The following ST6GALNAC3 variants were observed in gnomAD, a reference collection of about 807,000 sequenced individuals.
ST6GALNAC3 encodes ST6 N-acetylgalactosaminide alpha-2,6-sialyltransferase 3.
Under a neutral mutation model 32.7 loss-of-function variants are expected in ST6GALNAC3, and 25 were observed. The observed-to-expected ratio is 0.76, with a 90% confidence interval of 0.56 to 1.07. The LOEUF is 1.07. Among genes scored for constraint, ST6GALNAC3 ranks in the 50% least tolerant of loss-of-function variants. The pLI is 0.00. For missense variants in ST6GALNAC3, 355 were observed against 382.4 expected (o/e 0.93, Z 0.60); for synonymous variants, 129 against 133.1 (o/e 0.97, Z 0.21).
At position 76,091,353 on chromosome 1, in the gene ST6GALNAC3, CTCTT is replaced by C. The variant is rs562046619; in HGVS notation, c.18+16473_18+16476del. The stretch of plus-strand genomic sequence containing the variant: ...GAGCCCTTAGATCATTGAGTTAAGA[CTCTT>C]TCTCATGCGGATGAACAGTAAATGC... On this transcript the variant is annotated intron_variant, in intron 1 of 4. Transcript: ENST00000328299. 1.1e-4 allele frequency among the ~76,000 whole-genome samples: 16 copies of C among 152,354 alleles called. No homozygotes were observed. The East Asian group carries it at 2.5e-3, about 24-fold the overall frequency.
At chr1:76,138,920 CG>C in intron 1 of ST6GALNAC3, among the ~76,000 whole-genome samples, 1 of 152,102 alleles carries the variant, frequency 6.6e-6, no homozygotes. Flanking sequence ...ACTGGCCGGG[CG>C]CAGTGGCTCA....
intron 1 of ST6GALNAC3, among the ~76,000 whole-genome samples, chr1:76,129,159 G>A (rs933736301): frequency 6.6e-6 from 1 of 152,150 alleles, no homozygotes; most frequent in East Asian, 1.9e-4. Flanking sequence ...TGCTACCAGG[G>A]GGATTTTGGT....
intron 3 of ST6GALNAC3, among the ~76,000 whole-genome samples, chr1:76,422,498 C>A (rs938651286): frequency 2.5e-4 from 38 of 152,074 alleles, no homozygotes; most frequent in Middle Eastern, 3.4e-3. Context: ...CTTTGGTATC[C>A]AGGGGAAACA....
At chr1:76,402,185 TA>T (rs1653476813) in intron 2 of ST6GALNAC3, among the ~76,000 whole-genome samples, 1 of 152,222 alleles carries the variant, frequency 6.6e-6, no homozygotes, top group African/African-American at 2.4e-5. Context: ...ATTTTGAAAC[TA>T]GAAGGCGTAC....
chr1:76,183,870 A>ATATATATATATATG (rs1553163054), intron 1 of ST6GALNAC3, among the ~76,000 whole-genome samples: 13 of 146,622 alleles, frequency 8.9e-5, no homozygotes, highest in Middle Eastern at 3.6e-3. Flanking sequence ...ATATATATAT[A>ATATATATATATATG]TATGTATGTT....
chr1:76,333,582 A>G (rs1467552439), intron 2 of ST6GALNAC3, among the ~76,000 whole-genome samples: 6 of 152,190 alleles, frequency 3.9e-5, no homozygotes, highest in Non-Finnish European at 8.8e-5. Context: ...GATATTCATC[A>G]TCAGTTAAAA....
At chr1:76,463,672 T>C (rs1658433659) in intron 3 of ST6GALNAC3, among the ~76,000 whole-genome samples, 2 of 152,174 alleles carry the variant, frequency 1.3e-5, no homozygotes, top group African/African-American at 4.8e-5. Context: ...AGTCTTCTGG[T>C]CGAGGAGCTT....
At chr1:76,411,530 C>T (rs1345132461) in intron 2 of ST6GALNAC3, among the ~76,000 whole-genome samples, 1 of 152,094 alleles carries the variant, frequency 6.6e-6, no homozygotes, top group African/African-American at 2.4e-5. Flanking sequence ...AACCTCATTG[C>T]TTGCTGAACT....
At chr1:76,302,146 A>G (rs1570746433) in intron 1 of ST6GALNAC3, among the ~76,000 whole-genome samples, 1 of 152,062 alleles carries the variant, frequency 6.6e-6, no homozygotes, top group Non-Finnish European at 1.5e-5. Context: ...TCAGCTATCT[A>G]AGAATACTTA....
chr1:76,180,426 G>C (rs1375760915), intron 1 of ST6GALNAC3, among the ~76,000 whole-genome samples: 1 of 152,126 alleles, frequency 6.6e-6, no homozygotes, highest in Non-Finnish European at 1.5e-5. Context: ...CGGGAGACAG[G>C]GAAATACTGG....
intron 3 of ST6GALNAC3, among the ~76,000 whole-genome samples, chr1:76,460,336 G>A (rs946865024): frequency 2.6e-4 from 40 of 152,158 alleles, no homozygotes; most frequent in African/African-American, 6.7e-4. Flanking sequence ...TCTTTGTGCC[G>A]TGGTGTTTCA....
intron 3 of ST6GALNAC3, among the ~76,000 whole-genome samples, chr1:76,565,867 G>T (rs1665524400): frequency 6.6e-6 from 1 of 152,168 alleles, no homozygotes; most frequent in Non-Finnish European, 1.5e-5. Context: ...TTCAGGAGAA[G>T]AAAGTACATT....
intron 2 of ST6GALNAC3, among the ~76,000 whole-genome samples, chr1:76,321,633 G>C (rs1389625103): frequency 6.6e-6 from 1 of 152,154 alleles, no homozygotes; most frequent in Non-Finnish European, 1.5e-5. Flanking sequence ...CCTGCTGGGG[G>C]GCCAAACACA....
At chr1:76,341,645 CTTTCT>C (rs1323695043) in intron 2 of ST6GALNAC3, among the ~76,000 whole-genome samples, 3 of 141,714 alleles carry the variant, frequency 2.1e-5, no homozygotes, top group African/African-American at 8.2e-5. Context: ...TTCTTTCTTT[CTTTCT>C]TTCTTTCTTT....
intron 1 of ST6GALNAC3, among the ~76,000 whole-genome samples, chr1:76,263,513 T>A (rs1017804228): frequency 1.3e-5 from 2 of 152,150 alleles, no homozygotes; most frequent in African/African-American, 2.4e-5. Context: ...GCACTGTTAA[T>A]CAGAAGGTAG....
chr1:76,208,117 C>CTCT (rs72432902), intron 1 of ST6GALNAC3, among the ~76,000 whole-genome samples: 4 of 24,304 alleles, frequency 1.6e-4, no homozygotes, highest in African/African-American at 2.2e-4. Flanking sequence ...GATCCTGTAA[C>CTCT]CCACTTAAAC....
At chr1:76,238,981 G>T (rs1045277212) in intron 1 of ST6GALNAC3, among the ~76,000 whole-genome samples, 1 of 144,336 alleles carries the variant, frequency 6.9e-6, no homozygotes, top group African/African-American at 2.6e-5. Context: ...TGTTTAAAAG[G>T]ATAAGGCCCA....
At chr1:76,078,777 TTTA>T (rs1034940946) in intron 1 of ST6GALNAC3, among the ~76,000 whole-genome samples, 2 of 152,204 alleles carry the variant, frequency 1.3e-5, no homozygotes, top group South Asian at 2.1e-4. Context: ...GACCAGTCTC[TTTA>T]TTATTATTAT....
chr1:76,237,382 C>T (rs1557717403), intron 1 of ST6GALNAC3, among the ~76,000 whole-genome samples: 1 of 152,136 alleles, frequency 6.6e-6, no homozygotes, highest in Non-Finnish European at 1.5e-5. Context: ...GATTCACCCG[C>T]CTTGGCCTCA....
Sources: allele counts gnomAD v4.1 joint callset (sites outside exome capture counted in the v4.1 genomes callset), GRCh38; gene constraint gnomAD v4.1.1; transcripts MANE v1.5; gene names NCBI Gene and HGNC (gene_info 2026-07-23, HGNC 2026-07-21).